HTR4: variants seen among roughly 807,000 people sequenced by gnomAD.
The protein encoded by HTR4 is 5-hydroxytryptamine (serotonin) receptor 4, G protein-coupled.
In HTR4, 16 loss-of-function variants were observed where a neutral mutation model predicts 36.8. The ratio of observed to expected loss-of-function variants is 0.43; its 90% CI spans 0.29 to 0.66. The LOEUF (loss-of-function observed/expected upper bound fraction) is 0.66. HTR4 is among the 30% of genes least tolerant of loss of function. The pLI, the probability that HTR4 is intolerant of heterozygous loss-of-function variation, is 0.13. For missense variants in HTR4, 438 were observed against 490.9 expected (o/e 0.89, Z 1.02); for synonymous variants, 189 against 185.1 (o/e 1.02, Z -0.17).
intron 2 of HTR4, among the ~76,000 whole-genome samples, chr5:148,610,154 C>T (rs6580558): frequency 0.25 from 37,489 of 152,050 alleles, 5,550 homozygotes; most frequent in Non-Finnish European, 0.33. Flanking sequence ...TTCTTCAGCC[C>T]TCATAGTCTT....
exon 6 of HTR4, chr5:148,451,130 T>C: frequency 6.2e-7 from 1 of 1,611,094 alleles, no homozygotes; most frequent in Non-Finnish European, 8.5e-7. Context: ...CAGGGTGACC[T>C]GTTCATGCAA....
At chr5:148,465,061 G>A (rs572888804) in intron 5 of HTR4, among the ~76,000 whole-genome samples, 8 of 152,268 alleles carry the variant, frequency 5.3e-5, no homozygotes, top group African/African-American at 1.9e-4. Flanking sequence ...TGTTGCCAGA[G>A]GTTGGGGTGG....
chr5:148,644,411 C>G (rs1400399964), intron 1 of HTR4, among the ~76,000 whole-genome samples: 1 of 129,770 alleles, frequency 7.7e-6, no homozygotes, highest in African/African-American at 3.0e-5. Context: ...GAATAGGTCT[C>G]AAGCTCACAA....
At chr5:148,524,837 A>T (rs1451958853) in intron 4 of HTR4, among the ~76,000 whole-genome samples, 1 of 152,168 alleles carries the variant, frequency 6.6e-6, no homozygotes, top group Non-Finnish European at 1.5e-5. Flanking sequence ...CTAACAAAAC[A>T]ATGGCTATAT....
At chr5:148,594,126 A>C (rs552670439) in intron 2 of HTR4, among the ~76,000 whole-genome samples, 1 of 152,318 alleles carries the variant, frequency 6.6e-6, no homozygotes, top group African/African-American at 2.4e-5. Context: ...TTTATATTTC[A>C]GTAGCAGTAT....
At chr5:148,556,277 G>T (rs1302240777) in intron 2 of HTR4, among the ~76,000 whole-genome samples, 2 of 152,174 alleles carry the variant, frequency 1.3e-5, no homozygotes, top group East Asian at 3.9e-4. Context: ...GCCCGCCTCG[G>T]CCTCCCAACT....
At chr5:148,589,203 G>A (rs1243021579) in intron 2 of HTR4, among the ~76,000 whole-genome samples, 2 of 152,076 alleles carry the variant, frequency 1.3e-5, no homozygotes, top group Non-Finnish European at 2.9e-5. Flanking sequence ...TCTAGAAGGG[G>A]GCTTGCTAAG....
chr5:148,590,052 G>T (rs1376067300), intron 2 of HTR4, among the ~76,000 whole-genome samples: 1 of 151,998 alleles, frequency 6.6e-6, no homozygotes, highest in Non-Finnish European at 1.5e-5. Flanking sequence ...CTGCTTCTAT[G>T]AGTTTAACTT....
At chr5:148,616,416 C>A (rs904068142) in intron 2 of HTR4, among the ~76,000 whole-genome samples, 3 of 152,090 alleles carry the variant, frequency 2.0e-5, no homozygotes, top group African/African-American at 7.2e-5. Context: ...CCTCCTGATC[C>A]TAATAGGCAT....
intron 5 of HTR4, among the ~76,000 whole-genome samples, chr5:148,456,274 T>C (rs1403515257): frequency 6.6e-6 from 1 of 152,184 alleles, no homozygotes; most frequent in African/African-American, 2.4e-5. Context: ...TAGGAGCAGA[T>C]CTGGGGTCAT....
chr5:148,576,255 AC>A (rs1760915748), intron 2 of HTR4, among the ~76,000 whole-genome samples: 1 of 151,916 alleles, frequency 6.6e-6, no homozygotes, highest in Non-Finnish European at 1.5e-5. Flanking sequence ...CAGGAATATT[AC>A]TTACCATGGA....
At chr5:148,613,432 C>T (rs1752525523) in intron 2 of HTR4, among the ~76,000 whole-genome samples, 1 of 151,942 alleles carries the variant, frequency 6.6e-6, no homozygotes, top group Non-Finnish European at 1.5e-5. Context: ...ACAAAAACCA[C>T]ATGATTATCT....
intron 1 of HTR4, among the ~76,000 whole-genome samples, chr5:148,650,735 C>G (rs749718873): frequency 6.6e-6 from 1 of 152,182 alleles, no homozygotes; most frequent in Non-Finnish European, 1.5e-5. Context: ...TGCCACCACC[C>G]CTTTCACTCT....
intron 6 of HTR4, among the ~76,000 whole-genome samples, chr5:148,486,375 C>T (rs531915506): frequency 6.6e-6 from 1 of 152,150 alleles, no homozygotes; most frequent in African/African-American, 2.4e-5. Context: ...CTCAGGAAGC[C>T]CCTTTCACTC....
chr5:148,604,653 G>A (rs2127272632), intron 2 of HTR4, among the ~76,000 whole-genome samples: 1 of 152,224 alleles, frequency 6.6e-6, no homozygotes, highest in African/African-American at 2.4e-5. Context: ...TTCATCCAAT[G>A]GAATAGTTAG....
intron 2 of HTR4, among the ~76,000 whole-genome samples, chr5:148,608,678 T>TAGA (rs1284247276): frequency 6.6e-6 from 1 of 152,220 alleles, no homozygotes; most frequent in African/African-American, 2.4e-5. Flanking sequence ...ATTGACATTT[T>TAGA]AGAAGCATCA....
At chr5:148,473,402 T>G (rs1755620955), downstream of HTR4, among the ~76,000 whole-genome samples, 1 of 151,870 alleles carries the variant, frequency 6.6e-6, no homozygotes, top group African/African-American at 2.4e-5. Flanking sequence ...GTAAGAGAAT[T>G]TGAAGAATAA....
At chr5:148,603,516 T>C (rs1365368135) in intron 2 of HTR4, among the ~76,000 whole-genome samples, 1 of 152,026 alleles carries the variant, frequency 6.6e-6, no homozygotes, top group Non-Finnish European at 1.5e-5. Flanking sequence ...AACAGTGTGC[T>C]GGAGGTCCTA....
chr5:148,624,173 G>A (rs925513566), intron 2 of HTR4, among the ~76,000 whole-genome samples: 1 of 152,144 alleles, frequency 6.6e-6, no homozygotes, highest in South Asian at 2.1e-4. Flanking sequence ...TGTAGAAGAG[G>A]AGTAATGCTG....
Sources: allele counts gnomAD v4.1 joint callset (sites outside exome capture counted in the v4.1 genomes callset), GRCh38; gene constraint gnomAD v4.1.1; transcripts MANE v1.5; gene names NCBI Gene and HGNC (gene_info 2026-07-23, HGNC 2026-07-21).